NRG1: variants seen among roughly 807,000 people sequenced by gnomAD.
NRG1 encodes the protein pro-neuregulin-1, membrane-bound isoform.
Under a neutral mutation model 63.8 loss-of-function variants are expected in NRG1, and 18 were observed. That is an observed-to-expected ratio of 0.28 (90% CI 0.19 to 0.42). The LOEUF is 0.42. Among genes scored for constraint, NRG1 ranks in the 10% least tolerant of loss-of-function variants. The probability of loss-of-function intolerance (pLI) is 1.00; values close to 1 mark genes in which losing one functional copy is unlikely to be tolerated. For missense variants in NRG1, 762 were observed against 814.7 expected (o/e 0.94, Z 0.79); for synonymous variants, 302 against 301.3 (o/e 1.00, Z -0.02).
intron 1 of NRG1, among the ~76,000 whole-genome samples, chr8:32,591,073 G>A (rs1464177022): frequency 4.6e-5 from 7 of 152,258 alleles, no homozygotes; most frequent in African/African-American, 1.7e-4. Flanking sequence ...ATAAGTCAAG[G>A]ATGCAATTGT....
At chr8:32,161,733 C>T (rs944306198) in intron 1 of NRG1, among the ~76,000 whole-genome samples, 1 of 152,166 alleles carries the variant, frequency 6.6e-6, no homozygotes, top group Non-Finnish European at 1.5e-5. Context: ...CTCAGGAATC[C>T]ATTCTCTTCC....
chr8:32,042,961 A>AGTGTGTGTGTGT (rs111850977), intron 1 of NRG1, among the ~76,000 whole-genome samples: 12,588 of 139,844 alleles, frequency 0.09, 1,021 homozygotes, highest in East Asian at 0.28. Context: ...GAAAGAGTGC[A>AGTGTGTGTGTGT]GTGTGTGTGT....
intron 5 of NRG1, among the ~76,000 whole-genome samples, chr8:32,712,538 G>A (rs1017668391): frequency 6.6e-6 from 1 of 152,168 alleles, no homozygotes; most frequent in Non-Finnish European, 1.5e-5. Context: ...TGGAGAATTA[G>A]AAGTGCTACA....
intron 1 of NRG1, among the ~76,000 whole-genome samples, chr8:32,553,232 G>A (rs36213553): frequency 0.022 from 3,290 of 152,086 alleles, 59 homozygotes; most frequent in Non-Finnish European, 0.03. Context: ...AAGCTTAAAG[G>A]AAATAATCCA....
At chr8:32,144,535 C>A (rs889337934) in intron 1 of NRG1, among the ~76,000 whole-genome samples, 1 of 152,118 alleles carries the variant, frequency 6.6e-6, no homozygotes, top group African/African-American at 2.4e-5. Flanking sequence ...AATCAGGCTG[C>A]CTGTTTTGCA....
chr8:32,056,468 A>G (rs548782614), intron 1 of NRG1, among the ~76,000 whole-genome samples: 1 of 152,218 alleles, frequency 6.6e-6, no homozygotes, highest in East Asian at 1.9e-4. Context: ...GACATAATTG[A>G]TTGGGCTTTT....
At chr8:31,977,359 A>T (rs1808361081) in intron 1 of NRG1, among the ~76,000 whole-genome samples, 1 of 152,096 alleles carries the variant, frequency 6.6e-6, no homozygotes. Flanking sequence ...CTTAAAGTCT[A>T]ACTTAGTGAC....
chr8:32,431,754 G>A, intron 1 of NRG1, among the ~76,000 whole-genome samples: 1 of 151,240 alleles, frequency 6.6e-6, no homozygotes, highest in Non-Finnish European at 1.5e-5. Flanking sequence ...TTTTTTCTGA[G>A]GGAAAAAATT....
chr8:32,069,339 A>C (rs866492107), intron 1 of NRG1, among the ~76,000 whole-genome samples: 1 of 152,230 alleles, frequency 6.6e-6, no homozygotes, highest in South Asian at 2.1e-4. Context: ...AATATCATTG[A>C]GCACGGGCTT....
At chr8:32,302,948 G>A (rs780753599) in intron 1 of NRG1, among the ~76,000 whole-genome samples, 3 of 152,104 alleles carry the variant, frequency 2.0e-5, no homozygotes, top group African/African-American at 4.8e-5. Flanking sequence ...TTCGGAGGCC[G>A]AGGAGGGCGG....
intron 11 of NRG1, chr8:32,760,797 C>G: frequency 9.8e-7 from 1 of 1,020,584 alleles, no homozygotes; most frequent in Non-Finnish European, 1.2e-6. Context: ...GTTATCCAAA[C>G]TCTGATTCGG....
chr8:32,414,632 T>C (rs561264217), intron 1 of NRG1, among the ~76,000 whole-genome samples: 2 of 152,302 alleles, frequency 1.3e-5, no homozygotes, highest in South Asian at 4.1e-4. Context: ...AAATCTGGTT[T>C]TGCTCCTGTT....
chr8:32,289,435 TA>T (rs560436983), intron 1 of NRG1, among the ~76,000 whole-genome samples: 93 of 145,474 alleles, frequency 6.4e-4, no homozygotes, highest in South Asian at 2.0e-3. Flanking sequence ...GTTAACGTAT[TA>T]AAAAAAAAAA....
intron 1 of NRG1, among the ~76,000 whole-genome samples, chr8:32,107,431 A>T (rs1231313963): frequency 6.6e-6 from 1 of 152,238 alleles, no homozygotes; most frequent in Non-Finnish European, 1.5e-5. Context: ...GAGCAATAAG[A>T]AACCCAGCAA....
chr8:31,760,135 C>T (rs1308936393), intron 1 of NRG1, among the ~76,000 whole-genome samples: 3 of 152,052 alleles, frequency 2.0e-5, no homozygotes, highest in African/African-American at 4.8e-5. Context: ...TGAAAGTTGT[C>T]CTGAATGGTA....
chr8:32,230,322 G>T (rs1263739850), intron 1 of NRG1, among the ~76,000 whole-genome samples: 2 of 152,170 alleles, frequency 1.3e-5, no homozygotes, highest in Non-Finnish European at 2.9e-5. Flanking sequence ...GAAGACAAAT[G>T]TCTCACGCCT....
chr8:31,724,173 G>A (rs1813194484), intron 1 of NRG1, among the ~76,000 whole-genome samples: 1 of 152,106 alleles, frequency 6.6e-6, no homozygotes, highest in African/African-American at 2.4e-5. Flanking sequence ...AAATTGTGTA[G>A]CTACTCAAGT....
At chr8:32,155,732 C>T (rs1434925142) in intron 1 of NRG1, among the ~76,000 whole-genome samples, 2 of 152,212 alleles carry the variant, frequency 1.3e-5, no homozygotes, top group African/African-American at 2.4e-5. Flanking sequence ...CTCTTCCTCT[C>T]ATTGAATCTG....
At chr8:32,366,446 T>C (rs1037937188) in intron 1 of NRG1, among the ~76,000 whole-genome samples, 7 of 151,906 alleles carry the variant, frequency 4.6e-5, no homozygotes, top group Admixed American at 1.3e-4. Context: ...GAACATGCAA[T>C]ATTTTGTCTT....
Sources: allele counts gnomAD v4.1 joint callset (sites outside exome capture counted in the v4.1 genomes callset), GRCh38; gene constraint gnomAD v4.1.1; transcripts MANE v1.5; gene names NCBI Gene and HGNC (gene_info 2026-07-23, HGNC 2026-07-21).